Variants in PDPR observed in about 807,000 individuals in gnomAD.
The protein encoded by PDPR is pyruvate dehydrogenase phosphatase regulatory subunit, mitochondrial.
Under a neutral mutation model 102.2 loss-of-function variants are expected in PDPR, and 50 were observed. The ratio of observed to expected loss-of-function variants is 0.49; its 90% CI spans 0.39 to 0.62. The LOEUF is 0.62. Among genes scored for constraint, PDPR ranks in the 20% least tolerant of loss-of-function variants. The probability of loss-of-function intolerance (pLI) is 0.00; values close to 1 mark genes in which losing one functional copy is unlikely to be tolerated. For missense variants in PDPR, 625 were observed against 1,098.2 expected (o/e 0.57, Z 6.09); for synonymous variants, 259 against 406.0 (o/e 0.64, Z 4.35).
Position 70,158,961 on chromosome 16 carries a change from C to G in PDPR, c.*2082C>G, listed in dbSNP as rs1397407991. 1.3e-5 allele frequency: 2 copies of G among 152,356 alleles called. No individual in the cohort carries two copies. The highest frequency in any genetic ancestry group is 2.9e-5 in the Non-Finnish European group (2 of 68,082). 9.4% of individuals were successfully genotyped at this position (152,356 alleles called of 1,614,324 possible). ...TTACACATAGACATAACTCTTCAAC[C>G]TTAACTATGGCAATACATTTGTGCT... On this transcript the variant is annotated 3_prime_UTR_variant, in exon 19 of 19. Coordinates refer to ENST00000288050, the MANE Select transcript of PDPR (RefSeq NM_017990.5).
At chr16:70,150,445 G>T (rs372793756) in intron 17 of PDPR, among the ~76,000 whole-genome samples, 1 of 152,218 alleles carries the variant, frequency 6.6e-6, no homozygotes, top group South Asian at 2.1e-4. Context: ...TTGTTCTATT[G>T]TGACAGGTAG....
chr16:70,138,142 G>A (rs28579600), intron 10 of PDPR, among the ~76,000 whole-genome samples: 6 of 148,042 alleles, frequency 4.1e-5, no homozygotes, highest in Admixed American at 1.4e-4. Flanking sequence ...CCCGGGTTCA[G>A]GTGATTCTCC....
intron 18 of PDPR, 72 bp downstream of exon 18, chr16:70,153,645 G>C: frequency 7.0e-7 from 1 of 1,437,650 alleles, no homozygotes; most frequent in Non-Finnish European, 9.3e-7. Flanking sequence ...CTAGGAAGAA[G>C]AACTGATGTG....
chr16:70,154,275 C>T (rs202238443), intron 18 of PDPR, among the ~76,000 whole-genome samples: 1 of 152,256 alleles, frequency 6.6e-6, no homozygotes, highest in Non-Finnish European at 1.5e-5. Flanking sequence ...TTGCAGTGAG[C>T]CAAAATCGCA....
chr16:70,163,022 C>T (rs1263496095), downstream of PDPR, among the ~76,000 whole-genome samples: 1 of 152,266 alleles, frequency 6.6e-6, no homozygotes, highest in Non-Finnish European at 1.5e-5. Context: ...GTGATCTTGG[C>T]TTACTGCAAC....
In PDPR at chr16:70,156,893, G is replaced by A. The variant is rs1411547501; in HGVS notation, c.*14G>A. 6.2e-7 allele frequency: 1 copy of A among 1,610,792 alleles called. No homozygotes were observed. The highest frequency in any genetic ancestry group is 1.3e-5 in the African/African-American group (1 of 75,008). ...CATGGGAAGTGATGCCACCAGGGCA[G>A]CCTCACCTCCTCCCCATCATCTTGT... On this transcript the variant is annotated 3_prime_UTR_variant, in exon 19 of 19. Transcript: ENST00000288050.
In PDPR at chr16:70,140,977, G is replaced by A. The variant is rs568450326; in HGVS notation, c.1316-1257G>A. 1.8e-4 allele frequency among the ~76,000 whole-genome samples: 28 copies of A among 152,372 alleles called. No individual in the cohort carries two copies. In the East Asian group the frequency reaches 5.0e-3, roughly 27 times the overall value. The stretch of plus-strand genomic sequence containing the variant: ...CTTGATGTGCCTTTTGTTTGGGATG[G>A]TGTGAGATCAGGGACCACAGATCAC... On this transcript the variant is annotated intron_variant, in intron 11 of 18. Transcript: ENST00000288050.
At chr16:70,150,849 A>C (rs952256837) in intron 17 of PDPR, among the ~76,000 whole-genome samples, 10 of 152,354 alleles carry the variant, frequency 6.6e-5, no homozygotes, top group East Asian at 1.9e-4. Context: ...GGATGATCAT[A>C]GCTCACTGTA....
At chr16:70,114,645 C>T (rs557557859) in intron 1 of PDPR, among the ~76,000 whole-genome samples, 176 bp from the exon 2 acceptor site, 189 of 152,382 alleles carry the variant, frequency 1.2e-3, no homozygotes, top group Non-Finnish European at 2.3e-3. Context: ...CCGCTCGTGC[C>T]TTGGCTTGTG....
At chr16:70,127,926 C>T (rs1382023737) in intron 4 of PDPR, among the ~76,000 whole-genome samples, 3 of 150,772 alleles carry the variant, frequency 2.0e-5, no homozygotes, top group Admixed American at 6.7e-5. Flanking sequence ...AGTCCCTCAG[C>T]GAGAACAGGA....
rs372258027 is a variant in PDPR at position 70,121,486 on chromosome 16, G to A, written c.227+767G>A. Among the ~76,000 whole-genome samples, 43 of 151,722 alleles carry A rather than the reference G, an allele frequency of 2.8e-4. No homozygotes were observed. In the South Asian group the frequency reaches 3.3e-3, roughly 12 times the overall value. On this transcript the variant is annotated intron_variant, in intron 3 of 18. Transcript: ENST00000288050. ...GTGGGCAGATCACCTCAGGTCAGGA[G>A]TTCTAGACCAGCCTGGCCAACATGG...
At chr16:70,132,878 T>C (rs1964685977) in intron 9 of PDPR, among the ~76,000 whole-genome samples, 1 of 152,234 alleles carries the variant, frequency 6.6e-6, no homozygotes. Flanking sequence ...AGTGGCATGA[T>C]CATAGCTCAC....
At chr16:70,156,205 G>C (rs1226858793) in intron 18 of PDPR, 2 of 502,408 alleles carry the variant, frequency 4.0e-6, no homozygotes, top group African/African-American at 3.8e-5. Flanking sequence ...AAACGTTTTT[G>C]TTCTATCTGG....
chr16:70,138,506 C>T (rs1303384015), intron 10 of PDPR, among the ~76,000 whole-genome samples: 2 of 151,992 alleles, frequency 1.3e-5, no homozygotes, highest in Admixed American at 6.6e-5. Context: ...TGTGAGCCAC[C>T]TGGCTCACTT....
intron 18 of PDPR, among the ~76,000 whole-genome samples, chr16:70,153,774 G>T (rs934781969): frequency 6.6e-6 from 1 of 152,276 alleles, no homozygotes; most frequent in Admixed American, 6.5e-5. Context: ...ACATAATAAT[G>T]GTGGCTCACG....
At chr16:70,148,425 T>C in intron 16 of PDPR, 39 bp from the exon 17 acceptor site, 2 of 1,443,604 alleles carry the variant, frequency 1.4e-6, no homozygotes, top group South Asian at 2.3e-5. Flanking sequence ...TGACAAGTAA[T>C]GTGAGTGCCC....
At chr16:70,152,218 T>G (rs1966790917) in intron 17 of PDPR, among the ~76,000 whole-genome samples, 3 of 152,288 alleles carry the variant, frequency 2.0e-5, no homozygotes, top group Non-Finnish European at 4.4e-5. Context: ...GATTCCTTTT[T>G]TCCACATTTA....
At position 70,157,007 on chromosome 16, in the gene PDPR, T is replaced by C; in HGVS notation, c.*128T>C. On this transcript the variant is annotated 3_prime_UTR_variant, in exon 19 of 19. Transcript: ENST00000288050. ...TGCCTCCCATCTCTTATCTCCTTGA[T>C]ATAATTTTGAACTTGACCTACTTTA... is the stretch of plus-strand genomic sequence containing the variant. 1 of 1,374,020 alleles carries C rather than the reference T, an allele frequency of 7.3e-7. No individual in the cohort carries two copies. The highest frequency in any genetic ancestry group is 1.0e-6 in the Non-Finnish European group (1 of 992,176). The allele number at this position is 1,374,020 out of a possible 1,614,324, so 85.1% of individuals were successfully genotyped here.
At chr16:70,134,512 A>G (rs1285282829) in intron 9 of PDPR, among the ~76,000 whole-genome samples, 1 of 145,424 alleles carries the variant, frequency 6.9e-6, no homozygotes, top group African/African-American at 2.5e-5. Flanking sequence ...GGTATGAGCC[A>G]CCGCACCTGG....
Sources: gnomAD v4.1 joint callset for allele counts (sites outside exome capture counted in the v4.1 genomes callset) on GRCh38, gnomAD v4.1.1 for gene constraint, MANE v1.5 for transcripts, NCBI Gene and HGNC (gene_info 2026-07-23, HGNC 2026-07-21) for gene names.